Variants in TSPAN18 observed in about 807,000 individuals in gnomAD.
The protein encoded by TSPAN18 is tetraspanin-18.
A neutral mutation model predicts 27.3 loss-of-function variants in TSPAN18; 14 were observed. The observed-to-expected ratio is 0.51, with a 90% CI of 0.34 to 0.80. The LOEUF (loss-of-function observed/expected upper bound fraction) is 0.80. Ranked by LOEUF, TSPAN18 falls within the 30% of genes least tolerant of loss-of-function variation. The pLI, the probability that TSPAN18 is intolerant of heterozygous loss-of-function variation, is 0.01. For missense variants in TSPAN18, 268 were observed against 323.9 expected (o/e 0.83, Z 1.32); for synonymous variants, 143 against 136.5 (o/e 1.05, Z -0.33).
intron 1 of TSPAN18, among the ~76,000 whole-genome samples, chr11:44,749,544 G>T (rs998464227): frequency 1.3e-4 from 19 of 151,918 alleles, no homozygotes; most frequent in African/African-American, 4.4e-4. Flanking sequence ...CTTGGGGATT[G>T]CACTTCAAGC....
At chr11:44,905,271 C>G (rs1859412880) in intron 3 of TSPAN18, among the ~76,000 whole-genome samples, 1 of 152,164 alleles carries the variant, frequency 6.6e-6, no homozygotes, top group Non-Finnish European at 1.5e-5. Context: ...TAATCAGACA[C>G]CATCTCCCCT....
intron 2 of TSPAN18, among the ~76,000 whole-genome samples, chr11:44,802,609 G>GCGCACACACACACACACA (rs1856506516): frequency 7.0e-6 from 1 of 142,610 alleles, no homozygotes; most frequent in African/African-American, 2.7e-5. Flanking sequence ...GGGAAGCACT[G>GCGCACACACACACACACA]CACACACACA....
At chr11:44,850,140 C>T (rs951247363) in intron 2 of TSPAN18, among the ~76,000 whole-genome samples, 5 of 152,350 alleles carry the variant, frequency 3.3e-5, no homozygotes, top group Admixed American at 3.3e-4. Flanking sequence ...GCTGAAGCCG[C>T]TCCTGCTCCC....
At position 44,781,683 on chromosome 11, in the gene TSPAN18, T is replaced by C. The variant is rs568196839; in HGVS notation, c.-153+17171T>C. ...TCATACACACTTACCCAGCAACTTT[T>C]TTCCTTTTCCCCCTAAAGAGCTACA... On this transcript the variant is annotated intron_variant, in intron 2 of 9. Transcript: ENST00000520358. Among the ~76,000 whole-genome samples the C allele has an allele frequency of 3.9e-5, 6 of 152,322 alleles. No homozygotes were observed. In the East Asian group the frequency reaches 1.2e-3, roughly 29 times the overall value.
intron 3 of TSPAN18, among the ~76,000 whole-genome samples, chr11:44,869,530 A>G (rs1475115971): frequency 1.3e-5 from 2 of 152,198 alleles, no homozygotes; most frequent in Admixed American, 6.5e-5. Context: ...CAGCAAATGT[A>G]CATGTCCCAC....
intron 5 of TSPAN18, among the ~76,000 whole-genome samples, chr11:44,916,175 G>C (rs923938969): frequency 3.9e-5 from 6 of 152,178 alleles, no homozygotes; most frequent in African/African-American, 1.4e-4. Context: ...TACTCCTCCC[G>C]AGGCGCTCAC....
Position 44,787,843 on chromosome 11 carries a change from C to T in TSPAN18, c.-153+23331C>T, listed in dbSNP as rs184377277. Among the ~76,000 whole-genome samples the T allele has an allele frequency of 1.4e-3, 212 of 152,220 alleles. 1 individual carries two copies. The highest frequency in any genetic ancestry group is 4.7e-3 in the African/African-American group (196 of 41,532). On this transcript the variant is annotated intron_variant, in intron 2 of 9. Transcript: ENST00000520358. ...GGTGCTCTCTGGAGTTCTCAGAAGACCCCAATGTTACTGCTCACTTAACTC... is the reference window on the plus strand; with the variant it reads ...GGTGCTCTCTGGAGTTCTCAGAAGATCCCAATGTTACTGCTCACTTAACTC...
At chr11:44,792,575 C>T (rs835844) in intron 2 of TSPAN18, among the ~76,000 whole-genome samples, 3,766 of 152,232 alleles carry the variant, frequency 0.025, 159 homozygotes, top group African/African-American at 0.084. Context: ...GCAGACCTTG[C>T]GCAGGGCGGT....
intron 2 of TSPAN18, among the ~76,000 whole-genome samples, chr11:44,806,441 A>G (rs1856595816): frequency 6.6e-6 from 1 of 152,212 alleles, no homozygotes; most frequent in African/African-American, 2.4e-5. Flanking sequence ...GCACACAGAT[A>G]AGGACGACAC....
intron 3 of TSPAN18, among the ~76,000 whole-genome samples, chr11:44,889,481 G>T (rs1265972652): frequency 1.3e-5 from 2 of 152,244 alleles, no homozygotes; most frequent in Non-Finnish European, 2.9e-5. Flanking sequence ...GGTTTCCAGA[G>T]AATAAAGTCT....
intron 2 of TSPAN18, among the ~76,000 whole-genome samples, chr11:44,838,612 G>C (rs896108777): frequency 1.3e-5 from 2 of 152,200 alleles, no homozygotes; most frequent in African/African-American, 4.8e-5. Context: ...TTTGACTTCA[G>C]AAGAGGAGTG....
intron 3 of TSPAN18, among the ~76,000 whole-genome samples, chr11:44,877,243 G>A (rs747204388): frequency 5.9e-5 from 9 of 152,364 alleles, no homozygotes; most frequent in Middle Eastern, 3.4e-3. Context: ...GCGGGAGCCC[G>A]ATGACATTGT....
chr11:44,747,040 A>G (rs1014625338), intron 1 of TSPAN18, among the ~76,000 whole-genome samples: 15 of 152,218 alleles, frequency 9.9e-5, no homozygotes, highest in Admixed American at 6.5e-4. Context: ...GCCAGCTGGC[A>G]TTGAAAAACG....
intron 2 of TSPAN18, among the ~76,000 whole-genome samples, chr11:44,805,059 T>C (rs1399245703): frequency 3.3e-5 from 5 of 152,032 alleles, no homozygotes; most frequent in African/African-American, 1.2e-4. Flanking sequence ...GAATCAGGAG[T>C]GACTGGCTAC....
chr11:44,895,500 A>G (rs1859009711), intron 3 of TSPAN18, among the ~76,000 whole-genome samples: 1 of 152,242 alleles, frequency 6.6e-6, no homozygotes, highest in Admixed American at 6.5e-5. Context: ...TGAGCATGGC[A>G]GGTGTCACTG....
intron 1 of TSPAN18, among the ~76,000 whole-genome samples, chr11:44,744,016 AGCCATCTG>A (rs1487448472): frequency 6.6e-6 from 1 of 152,140 alleles, no homozygotes; most frequent in Non-Finnish European, 1.5e-5. Flanking sequence ...AGCAAGAAGG[AGCCATCTG>A]GCCTGGTTGA....
intron 1 of TSPAN18, among the ~76,000 whole-genome samples, chr11:44,734,074 C>G (rs1462321449): frequency 2.0e-5 from 3 of 152,044 alleles, no homozygotes; most frequent in African/African-American, 7.3e-5. Flanking sequence ...CCTGGCTCCT[C>G]CCTCCCCTCT....
At chr11:44,888,839 C>G (rs183235597) in intron 3 of TSPAN18, among the ~76,000 whole-genome samples, 5 of 152,146 alleles carry the variant, frequency 3.3e-5, no homozygotes, top group Non-Finnish European at 7.3e-5. Flanking sequence ...CAGAAAACCA[C>G]GAGGATGGTG....
In TSPAN18 at chr11:44,805,624, G is replaced by C. The variant is rs1407078507; in HGVS notation, c.-153+41112G>C. Among the ~76,000 whole-genome samples, 3 of 152,280 alleles carry C rather than the reference G, an allele frequency of 2.0e-5. 1 individual carries two copies. In the Middle Eastern group the frequency reaches 0.01, roughly 518 times the overall value. ...CCATGTTTGCCTTCTGTGTTAATCT[G>C]CTAGGGCTGCTGCAGTGAACACTCA... On this transcript the variant is annotated intron_variant, in intron 2 of 9. Transcript: ENST00000520358.
Sources: gnomAD v4.1 joint callset for allele counts (sites outside exome capture counted in the v4.1 genomes callset) on GRCh38, gnomAD v4.1.1 for gene constraint, MANE v1.5 for transcripts, NCBI Gene and HGNC (gene_info 2026-07-23, HGNC 2026-07-21) for gene names.